CDK14: variants seen among roughly 807,000 people sequenced by gnomAD.
The protein encoded by CDK14 is cyclin dependent kinase 14, also known as cyclin-dependent kinase 14.
Under a neutral mutation model 60.7 loss-of-function variants are expected in CDK14, and 34 were observed. The observed-to-expected ratio is 0.56, with a 90% confidence interval of 0.43 to 0.75. CDK14 has a LOEUF of 0.75. Ranked by LOEUF, CDK14 falls within the 30% of genes least tolerant of loss-of-function variation. The pLI, the probability that CDK14 is intolerant of heterozygous loss-of-function variation, is 0.00. For synonymous variants in CDK14, 197 were observed against 203.7 expected, an observed-to-expected ratio of 0.97 and a Z score of 0.28; for missense variants, 482 against 564.1, an observed-to-expected ratio of 0.85 and a Z score of 1.47.
chr7:91,031,677 A>G (rs886266300), intron 10 of CDK14, among the ~76,000 whole-genome samples: 3 of 152,224 alleles, frequency 2.0e-5, no homozygotes, highest in Non-Finnish European at 2.9e-5. Context: ...TAATTAAAAT[A>G]AAATTCCCTG....
chr7:91,042,900 A>C (rs1048732280), intron 10 of CDK14, among the ~76,000 whole-genome samples: 3 of 152,256 alleles, frequency 2.0e-5, no homozygotes, highest in Non-Finnish European at 2.9e-5. Context: ...ACAGGTAGCC[A>C]GTCATTGCTA....
intron 8 of CDK14, among the ~76,000 whole-genome samples, chr7:90,953,850 G>A (rs1197085208): frequency 6.6e-6 from 1 of 152,102 alleles, no homozygotes; most frequent in Non-Finnish European, 1.5e-5. Context: ...AGGCATTTGA[G>A]GAACCAACCC....
In CDK14 at chr7:90,957,361, G is replaced by T. The variant is rs183723557; in HGVS notation, c.947+1544G>T. The stretch of plus-strand genomic sequence containing the variant: ...TGGAAGTTCTGGCCAGGGCAATTAG[G>T]CAGGAGAAGGAAATAAAGGGTATTC... On this transcript the variant is annotated intron_variant, in intron 9 of 14. Coordinates refer to ENST00000380050, the MANE Select transcript of CDK14 (RefSeq NM_001287135.2). Among the ~76,000 whole-genome samples the T allele has an allele frequency of 1.2e-3, 187 of 152,282 alleles. 1 individual carries two copies. Among genetic ancestry groups the T allele is most frequent in the African/African-American group, 4.3e-3 (179 of 41,544 alleles).
chr7:90,813,734 G>A (rs908145735), intron 5 of CDK14, among the ~76,000 whole-genome samples: 3 of 151,734 alleles, frequency 2.0e-5, no homozygotes, highest in Non-Finnish European at 2.9e-5. Flanking sequence ...GGGCAACAAA[G>A]CGAGACTCTG....
chr7:90,917,479 T>C, intron 7 of CDK14, 122 bp from the exon 8 acceptor site: 1 of 768,792 alleles, frequency 1.3e-6, no homozygotes, highest in South Asian at 2.3e-5. Context: ...AATAATTTGG[T>C]AGAAAATTTG....
intron 14 of CDK14, among the ~76,000 whole-genome samples, chr7:91,140,963 G>T (rs1478014094): frequency 6.6e-6 from 1 of 152,044 alleles, no homozygotes; most frequent in African/African-American, 2.4e-5. Flanking sequence ...GTATTGCTTG[G>T]TAAAAGTTGT....
chr7:90,900,470 C>G (rs1792471679), intron 7 of CDK14, among the ~76,000 whole-genome samples: 3 of 152,086 alleles, frequency 2.0e-5, no homozygotes, highest in Non-Finnish European at 2.9e-5. Flanking sequence ...TTAATCTTGT[C>G]TATGTTCAAT....
At chr7:90,652,134 G>A (rs889411918) in intron 2 of CDK14, among the ~76,000 whole-genome samples, 2 of 151,974 alleles carry the variant, frequency 1.3e-5, no homozygotes, top group African/African-American at 4.8e-5. Flanking sequence ...CATCTGCTTT[G>A]TTTCCCTTTT....
intron 4 of CDK14, among the ~76,000 whole-genome samples, chr7:90,786,196 A>G (rs931729193): frequency 6.6e-6 from 1 of 152,238 alleles, no homozygotes; most frequent in African/African-American, 2.4e-5. Flanking sequence ...TACAGCTTAA[A>G]GCAACTACAG....
At chr7:90,848,832 A>G (rs1790552889) in intron 5 of CDK14, among the ~76,000 whole-genome samples, 1 of 152,218 alleles carries the variant, frequency 6.6e-6, no homozygotes, top group South Asian at 2.1e-4. Context: ...TATTCCATCT[A>G]GTGGGTTTCA....
chr7:91,185,943 A>G (rs1802164765), intron 14 of CDK14, among the ~76,000 whole-genome samples: 1 of 151,854 alleles, frequency 6.6e-6, no homozygotes, highest in Non-Finnish European at 1.5e-5. Context: ...CTACTCATCT[A>G]CTTTCTGTTT....
intron 9 of CDK14, among the ~76,000 whole-genome samples, chr7:90,959,348 A>G (rs1794530114): frequency 6.6e-6 from 1 of 152,094 alleles, no homozygotes; most frequent in African/African-American, 2.4e-5. Flanking sequence ...ATTTCAAGCC[A>G]TTTTCTAAAA....
intron 2 of CDK14, among the ~76,000 whole-genome samples, chr7:90,663,166 CCTT>C (rs1478753315): frequency 6.6e-6 from 1 of 151,976 alleles, no homozygotes; most frequent in African/African-American, 2.4e-5. Flanking sequence ...TAGGCCACCC[CCTT>C]CTTTCTTACC....
intron 14 of CDK14, among the ~76,000 whole-genome samples, chr7:91,165,520 C>G (rs1334836584): frequency 6.6e-6 from 1 of 152,136 alleles, no homozygotes; most frequent in Non-Finnish European, 1.5e-5. Flanking sequence ...CTCCTTTCAA[C>G]TCCAGTGTTC....
chr7:90,742,488 A>T (rs1803386401), intron 3 of CDK14, among the ~76,000 whole-genome samples: 1 of 152,000 alleles, frequency 6.6e-6, no homozygotes, highest in Non-Finnish European at 1.5e-5. Flanking sequence ...CCAGATAATT[A>T]TCTATTTTAA....
chr7:91,137,459 G>T (rs1800313362), intron 14 of CDK14, among the ~76,000 whole-genome samples: 1 of 152,000 alleles, frequency 6.6e-6, no homozygotes, highest in Non-Finnish European at 1.5e-5. Flanking sequence ...TAAATGCCTT[G>T]CTTTCTGGGA....
chr7:91,070,482 G>C (rs537783790), intron 11 of CDK14, among the ~76,000 whole-genome samples: 18 of 152,182 alleles, frequency 1.2e-4, no homozygotes, highest in African/African-American at 4.3e-4. Context: ...GTTCAGGCTG[G>C]GCTTTGTGGC....
intron 2 of CDK14, chr7:90,709,625 T>C: frequency 6.2e-7 from 1 of 1,603,000 alleles, no homozygotes; most frequent in Non-Finnish European, 8.5e-7. Flanking sequence ...GTCCATCGTG[T>C]TTGGAAAAAA....
intron 4 of CDK14, among the ~76,000 whole-genome samples, chr7:90,765,602 G>GTT (rs71104490): frequency 0.18 from 26,093 of 146,342 alleles, 2,410 homozygotes; most frequent in Non-Finnish European, 0.2. Context: ...AACTAGGAAG[G>GTT]TTTTTTTTTT....
Sources: gnomAD v4.1 joint callset for allele counts (sites outside exome capture counted in the v4.1 genomes callset) on GRCh38, gnomAD v4.1.1 for gene constraint, MANE v1.5 for transcripts, NCBI Gene and HGNC (gene_info 2026-07-23, HGNC 2026-07-21) for gene names.